HNF1B: variants seen among roughly 807,000 people sequenced by gnomAD.
HNF1B encodes hepatocyte nuclear factor 1-beta.
A neutral mutation model predicts 61.7 loss-of-function variants in HNF1B; 8 were observed. The ratio of observed to expected loss-of-function variants is 0.13; its 90% CI spans 0.08 to 0.23. HNF1B has a LOEUF of 0.23. Among genes scored for constraint, HNF1B ranks in the 10% least tolerant of loss-of-function variants. HNF1B has a pLI of 1.00. For synonymous variants in HNF1B, 314 were observed against 287.7 expected, an observed-to-expected ratio of 1.09 and a Z score of -0.93; for missense variants, 562 against 714.5, an observed-to-expected ratio of 0.79 and a Z score of 2.43.
At chr17:37,735,305 G>A (rs1193533125) in intron 2 of HNF1B, among the ~76,000 whole-genome samples, 1 of 152,166 alleles carries the variant, frequency 6.6e-6, no homozygotes, top group Non-Finnish European at 1.5e-5. Context: ...TGGCCCTCCA[G>A]GCTATATGCC....
rs140341505 is a variant in HNF1B, at chr17:37,722,800, C to T, written c.1045+8795G>A. Among the ~76,000 whole-genome samples, 113 of 152,274 alleles carry T rather than the reference C, an allele frequency of 7.4e-4. 1 individual carries two copies. Among genetic ancestry groups the T allele is most frequent in the African/African-American group, 2.6e-3 (106 of 41,546 alleles). On this transcript the variant is annotated intron_variant, in intron 4 of 8. Transcript: ENST00000617811. The stretch of plus-strand genomic sequence containing the variant: ...GGTACCTGAAGCAGACGCATGCTCA[C>T]AGGTTGAGGGAAGTGGTTTCCAGAA...
At chr17:37,732,475 T>A (rs945329654) in intron 3 of HNF1B, among the ~76,000 whole-genome samples, 1 of 152,156 alleles carries the variant, frequency 6.6e-6, no homozygotes, top group Non-Finnish European at 1.5e-5. Flanking sequence ...GAGGACTCAG[T>A]GGCAATACAG....
intron 2 of HNF1B, among the ~76,000 whole-genome samples, chr17:37,735,994 G>A (rs1330359154): frequency 6.6e-6 from 1 of 152,204 alleles, no homozygotes; most frequent in Non-Finnish European, 1.5e-5. Flanking sequence ...CAGACTCCTG[G>A]CCTCAAGCAG....
At chr17:37,737,854 T>C (rs1237624014) in intron 2 of HNF1B, among the ~76,000 whole-genome samples, 1 of 151,966 alleles carries the variant, frequency 6.6e-6, no homozygotes, top group African/African-American at 2.4e-5. Context: ...AATAAATAAA[T>C]AAATAAATAA....
intron 1 of HNF1B, among the ~76,000 whole-genome samples, chr17:37,740,415 CA>C (rs991887136): frequency 6.6e-6 from 1 of 152,148 alleles, no homozygotes; most frequent in African/African-American, 2.4e-5. Flanking sequence ...TGAATTTGCC[CA>C]ATTTTAGCTT....
intron 7 of HNF1B, among the ~76,000 whole-genome samples, chr17:37,700,005 T>C (rs924570591): frequency 1.3e-4 from 20 of 152,238 alleles, no homozygotes; most frequent in South Asian, 1.0e-3. Flanking sequence ...TTTACCCCTA[T>C]GTTTATTTCA....
At chr17:37,710,421 G>A in intron 5 of HNF1B, 82 bp downstream of exon 5, 1 of 1,536,696 alleles carries the variant, frequency 6.5e-7, no homozygotes, top group East Asian at 2.2e-5. Context: ...TTCATTGTTT[G>A]AGGCAGGCCT....
chr17:37,734,464 G>A (rs2033777321), intron 2 of HNF1B, among the ~76,000 whole-genome samples: 1 of 152,208 alleles, frequency 6.6e-6, no homozygotes, highest in South Asian at 2.1e-4. Flanking sequence ...TTAATTAGCT[G>A]GAAATGATGC....
chr17:37,729,985 A>G (rs1418515810), intron 4 of HNF1B: 2 of 154,208 alleles, frequency 1.3e-5, no homozygotes, highest in African/African-American at 2.4e-5. Context: ...CTGTCCCTCC[A>G]GCCCTAGCTC....
intron 4 of HNF1B, among the ~76,000 whole-genome samples, chr17:37,721,995 G>A (rs1030540967): frequency 6.6e-6 from 1 of 152,104 alleles, no homozygotes; most frequent in Non-Finnish European, 1.5e-5. Context: ...TTATGCCTGT[G>A]AACCCCTCAT....
At chr17:37,717,864 AC>A (rs1172767147) in intron 4 of HNF1B, among the ~76,000 whole-genome samples, 52 of 152,360 alleles carry the variant, frequency 3.4e-4, no homozygotes, top group African/African-American at 9.6e-4. Context: ...CTGAGAGGAT[AC>A]AGATTCATGT....
At chr17:37,731,863 G>T (rs745398521) in intron 3 of HNF1B, 33 bp from the exon 4 acceptor site, 62 of 1,389,678 alleles carry the variant, frequency 4.5e-5, no homozygotes, top group Non-Finnish European at 5.8e-5. Flanking sequence ...TGGTGAGTGA[G>T]GGGGGGCGGG....
At chr17:37,696,604 C>G (rs1421703661) in intron 8 of HNF1B, among the ~76,000 whole-genome samples, 4 of 152,234 alleles carry the variant, frequency 2.6e-5, no homozygotes, top group Non-Finnish European at 4.4e-5. Flanking sequence ...ATCATGCTTC[C>G]TGTGCAGCCT....
chr17:37,692,665 A>G (rs1027011204), intron 8 of HNF1B, among the ~76,000 whole-genome samples: 1 of 152,210 alleles, frequency 6.6e-6, no homozygotes, highest in Non-Finnish European at 1.5e-5. Context: ...TAGCCCAGGC[A>G]TTTGGCTAAG....
intron 7 of HNF1B, 48 bp downstream of exon 7, chr17:37,700,935 C>T: frequency 1.3e-6 from 2 of 1,515,010 alleles, no homozygotes; most frequent in Non-Finnish European, 1.8e-6. Flanking sequence ...AGTGGTTGGC[C>T]ACTGAGGGTC....
At chr17:37,687,520 G>T in intron 8 of HNF1B, 128 bp from the exon 9 acceptor site, 1 of 772,976 alleles carries the variant, frequency 1.3e-6, no homozygotes. Context: ...GAGGGCTGGG[G>T]GCCTCGTGTC....
intron 4 of HNF1B, among the ~76,000 whole-genome samples, chr17:37,727,094 C>T (rs78094879): frequency 2.0e-5 from 3 of 152,326 alleles, no homozygotes; most frequent in Admixed American, 6.5e-5. Context: ...GTTTCCATCC[C>T]GCGCCAACTT....
intron 6 of HNF1B, among the ~76,000 whole-genome samples, chr17:37,704,152 A>G (rs1009995539): frequency 6.6e-6 from 1 of 152,170 alleles, no homozygotes; most frequent in African/African-American, 2.4e-5. Flanking sequence ...TCAACATTAA[A>G]ACTCTCAAAG....
intron 4 of HNF1B, among the ~76,000 whole-genome samples, chr17:37,716,807 G>T (rs1228291047): frequency 6.6e-6 from 1 of 151,168 alleles, no homozygotes; most frequent in African/African-American, 2.4e-5. Flanking sequence ...TGATTCCAGA[G>T]ATCAACTGGG....
Sources: allele counts gnomAD v4.1 joint callset (sites outside exome capture counted in the v4.1 genomes callset), GRCh38; gene constraint gnomAD v4.1.1; transcripts MANE v1.5; gene names NCBI Gene and HGNC (gene_info 2026-07-23, HGNC 2026-07-21).